The following NRXN3 variants were observed in gnomAD, a reference collection of about 807,000 sequenced individuals.
NRXN3 encodes the protein neurexin 3, also known as neurexin III.
A neutral mutation model predicts 137.6 loss-of-function variants in NRXN3; 32 were observed. That is an observed-to-expected ratio of 0.23 (90% confidence interval 0.18 to 0.31). NRXN3 has a LOEUF of 0.31. Among genes scored for constraint, NRXN3 ranks in the 10% least tolerant of loss-of-function variants. The probability of loss-of-function intolerance (pLI) is 1.00; values close to 1 mark genes in which losing one functional copy is unlikely to be tolerated. For synonymous variants in NRXN3, 798 were observed against 784.5 expected, an observed-to-expected ratio of 1.02 and a Z score of -0.29; for missense variants, 1,574 against 2,062.5, an observed-to-expected ratio of 0.76 and a Z score of 4.59.
intron 4 of NRXN3, among the ~76,000 whole-genome samples, chr14:78,582,303 A>G (rs1457801164): frequency 6.6e-6 from 1 of 152,366 alleles, no homozygotes; most frequent in South Asian, 2.1e-4. Flanking sequence ...GTTTTCCTCC[A>G]TTACTGCTTA....
At chr14:79,042,309 G>A (rs1468731023) in intron 15 of NRXN3, among the ~76,000 whole-genome samples, 2 of 152,202 alleles carry the variant, frequency 1.3e-5, no homozygotes, top group Non-Finnish European at 2.9e-5. Context: ...AACACGTTAA[G>A]CAAGCTTGAG....
chr14:78,648,891 G>T (rs1306827847), intron 5 of NRXN3, among the ~76,000 whole-genome samples: 1 of 152,190 alleles, frequency 6.6e-6, no homozygotes, highest in Non-Finnish European at 1.5e-5. Flanking sequence ...TGGGAAGGGA[G>T]TGGGCGGTGT....
chr14:79,608,728 T>A (rs1602978975), intron 16 of NRXN3, among the ~76,000 whole-genome samples: 2 of 152,178 alleles, frequency 1.3e-5, no homozygotes, highest in South Asian at 2.1e-4. Flanking sequence ...CAAATAGAAA[T>A]GAGACAGAAT....
intron 17 of NRXN3, among the ~76,000 whole-genome samples, chr14:79,664,885 T>C (rs2098550559): frequency 2.0e-5 from 3 of 152,136 alleles, no homozygotes; most frequent in Admixed American, 2.0e-4. Context: ...TGAAGTGATG[T>C]GCTACTCTCT....
chr14:79,325,123 C>CT (rs958851960), intron 15 of NRXN3, among the ~76,000 whole-genome samples: 4 of 152,066 alleles, frequency 2.6e-5, no homozygotes, highest in African/African-American at 4.8e-5. Context: ...TCCTACTTTT[C>CT]TTTTTTTTCT....
intron 20 of NRXN3, among the ~76,000 whole-genome samples, chr14:79,841,805 G>A (rs77400722): frequency 0.011 from 1,748 of 152,342 alleles, 17 homozygotes; most frequent in Non-Finnish European, 0.018. Flanking sequence ...GAACGAGTCA[G>A]ATAGTGATGT....
chr14:79,084,888 G>A (rs2047801758), intron 15 of NRXN3, among the ~76,000 whole-genome samples: 1 of 152,180 alleles, frequency 6.6e-6, no homozygotes, highest in South Asian at 2.1e-4. Context: ...GGGGTTGATA[G>A]TGACATAGAA....
chr14:78,931,473 T>C (rs73323373), intron 10 of NRXN3, among the ~76,000 whole-genome samples: 3,033 of 152,158 alleles, frequency 0.02, 99 homozygotes, highest in African/African-American at 0.07. Context: ...ATTTAAAAAG[T>C]AGGTGACTTT....
At chr14:78,968,009 T>C (rs888595395) in intron 13 of NRXN3, among the ~76,000 whole-genome samples, 164 bp from the exon 14 acceptor site, 3 of 151,438 alleles carry the variant, frequency 2.0e-5, no homozygotes, top group African/African-American at 7.3e-5. Context: ...TTCCTTTTTT[T>C]GCAGGGTAGA....
At chr14:78,592,773 C>A (rs1469508355) in intron 4 of NRXN3, among the ~76,000 whole-genome samples, 1 of 152,174 alleles carries the variant, frequency 6.6e-6, no homozygotes, top group African/African-American at 2.4e-5. Flanking sequence ...TATGATACCT[C>A]CTGCTGGGTA....
intron 4 of NRXN3, among the ~76,000 whole-genome samples, chr14:78,499,530 A>G (rs1227098935): frequency 6.6e-6 from 1 of 152,196 alleles, no homozygotes; most frequent in Non-Finnish European, 1.5e-5. Context: ...TTTGCTGTTT[A>G]ACACATTTCC....
At chr14:79,140,837 C>T (rs12879491) in intron 15 of NRXN3, among the ~76,000 whole-genome samples, 54,924 of 151,930 alleles carry the variant, frequency 0.36, 10,543 homozygotes, top group Admixed American at 0.52. Flanking sequence ...ATTACTACCA[C>T]TTTTAGAATG....
intron 10 of NRXN3, among the ~76,000 whole-genome samples, chr14:78,820,230 GTACATATA>G (rs2098946679): frequency 6.7e-6 from 1 of 148,176 alleles, no homozygotes; most frequent in Admixed American, 6.7e-5. Flanking sequence ...TATGTATAAA[GTACATATA>G]TACATATATA....
At chr14:78,313,269 C>CT (rs908911556) in intron 4 of NRXN3, among the ~76,000 whole-genome samples, 4 of 152,294 alleles carry the variant, frequency 2.6e-5, no homozygotes, top group African/African-American at 9.6e-5. Context: ...CTTTCGTGCA[C>CT]TTTTTTGTTT....
intron 4 of NRXN3, among the ~76,000 whole-genome samples, chr14:78,337,874 A>G (rs2081655501): frequency 1.3e-5 from 2 of 152,250 alleles, no homozygotes; most frequent in South Asian, 4.1e-4. Context: ...AATGAAGTAT[A>G]TAGTTGGGTG....
intron 15 of NRXN3, among the ~76,000 whole-genome samples, chr14:79,056,052 G>A (rs1306323900): frequency 6.6e-6 from 1 of 152,154 alleles, no homozygotes; most frequent in Non-Finnish European, 1.5e-5. Flanking sequence ...TGTCGATATT[G>A]GGGGAGAAAT....
At chr14:78,451,317 C>T (rs775666494) in intron 4 of NRXN3, among the ~76,000 whole-genome samples, 40 of 152,208 alleles carry the variant, frequency 2.6e-4, no homozygotes, top group Non-Finnish European at 1.3e-4. Flanking sequence ...CTAAACCAAA[C>T]AACTGGTATA....
intron 15 of NRXN3, among the ~76,000 whole-genome samples, chr14:79,184,480 T>C (rs546123329): frequency 1.8e-4 from 28 of 152,306 alleles, no homozygotes; most frequent in African/African-American, 6.7e-4. Flanking sequence ...GCTATGTCAA[T>C]AGTGTGTTTA....
chr14:79,494,737 A>G (rs1446573999), intron 16 of NRXN3, among the ~76,000 whole-genome samples: 1 of 152,178 alleles, frequency 6.6e-6, no homozygotes, highest in Non-Finnish European at 1.5e-5. Flanking sequence ...TAAACCCTTC[A>G]CTGAGCTTCC....
Sources: allele counts gnomAD v4.1 joint callset (sites outside exome capture counted in the v4.1 genomes callset), GRCh38; gene constraint gnomAD v4.1.1; transcripts MANE v1.5; gene names NCBI Gene and HGNC (gene_info 2026-07-23, HGNC 2026-07-21).